Variants in SLC24A3 observed in about 807,000 individuals in gnomAD.
SLC24A3 encodes the protein sodium/potassium/calcium exchanger 3.
Under a neutral mutation model 75.8 loss-of-function variants are expected in SLC24A3, and 28 were observed. The observed-to-expected ratio is 0.37, with a 90% CI of 0.27 to 0.51. The LOEUF (loss-of-function observed/expected upper bound fraction) is 0.51. SLC24A3 is among the 20% of genes least tolerant of loss of function. SLC24A3 has a pLI of 0.94. For missense variants in SLC24A3, 663 were observed against 847.8 expected (o/e 0.78, Z 2.71); for synonymous variants, 372 against 334.1 (o/e 1.11, Z -1.24).
intron 12 of SLC24A3, among the ~76,000 whole-genome samples, chr20:19,691,582 A>C (rs2032745576): frequency 1.3e-5 from 2 of 152,118 alleles, no homozygotes; most frequent in Non-Finnish European, 2.9e-5. Context: ...TAGGCATTGG[A>C]GCAGTAGTCC....
intron 2 of SLC24A3, among the ~76,000 whole-genome samples, chr20:19,374,409 C>T (rs538066433): frequency 6.6e-5 from 10 of 152,258 alleles, no homozygotes; most frequent in East Asian, 3.9e-4. Context: ...GCAGCCTGCC[C>T]GCTAAGTGCT....
intron 3 of SLC24A3, among the ~76,000 whole-genome samples, chr20:19,573,684 T>A (rs552721337): frequency 2.6e-5 from 4 of 152,342 alleles, no homozygotes; most frequent in Admixed American, 2.6e-4. Context: ...CTCATAGTCA[T>A]AAATGGCTGC....
At chr20:19,306,717 G>C (rs1298983547) in intron 2 of SLC24A3, among the ~76,000 whole-genome samples, 1 of 152,084 alleles carries the variant, frequency 6.6e-6, no homozygotes. Flanking sequence ...AAAGTAGGGA[G>C]GGGGTGAGGG....
At position 19,685,496 on chromosome 20, in the gene SLC24A3, C is replaced by G. The variant is rs1050330952; in HGVS notation, c.1324+135C>G. On this transcript the variant is annotated intron_variant, in intron 12 of 16. Coordinates refer to ENST00000328041, the MANE Select transcript of SLC24A3 (RefSeq NM_020689.4). ...GAACATGAGACTATGTATATCAAGT[C>G]TCCTTTGGGCAGGACTTTGTTGTAG... The G allele has an allele frequency of 1.4e-5, 19 of 1,391,742 alleles. No homozygotes were observed. In the African/African-American group the frequency reaches 2.7e-4, roughly 20 times the overall value. The allele number at this position is 1,391,742 out of a possible 1,614,324, so 86.2% of individuals were successfully genotyped here. A position where few individuals can be genotyped will look rare whatever the true frequency, so the allele number is the denominator to read the frequency against.
At chr20:19,523,568 T>C (rs1260538005) in intron 3 of SLC24A3, among the ~76,000 whole-genome samples, 1 of 152,226 alleles carries the variant, frequency 6.6e-6, no homozygotes, top group East Asian at 1.9e-4. Context: ...ACAGGCCCCA[T>C]GGCTTGCTGG....
At chr20:19,220,322 A>G (rs1172043527) in intron 1 of SLC24A3, among the ~76,000 whole-genome samples, 2 of 152,360 alleles carry the variant, frequency 1.3e-5, no homozygotes, top group South Asian at 4.1e-4. Context: ...TACATTTGGA[A>G]TATTTGCAAC....
At chr20:19,402,450 G>A (rs1986568262) in intron 2 of SLC24A3, among the ~76,000 whole-genome samples, 1 of 152,142 alleles carries the variant, frequency 6.6e-6, no homozygotes, top group Non-Finnish European at 1.5e-5. Context: ...AACCAACCAA[G>A]GCCTCACTGC....
At chr20:19,275,640 A>C (rs1983461704) in intron 1 of SLC24A3, among the ~76,000 whole-genome samples, 1 of 151,884 alleles carries the variant, frequency 6.6e-6, no homozygotes, top group Non-Finnish European at 1.5e-5. Flanking sequence ...AGTTGTGGGG[A>C]GGAGGGCGGT....
intron 2 of SLC24A3, among the ~76,000 whole-genome samples, chr20:19,404,502 C>G (rs1046756269): frequency 1.3e-5 from 2 of 152,208 alleles, no homozygotes; most frequent in South Asian, 4.1e-4. Flanking sequence ...AAGAAATCCC[C>G]TGGAGCCTAA....
At chr20:19,680,019 GTGTA>G (rs1423501420) in intron 9 of SLC24A3, among the ~76,000 whole-genome samples, 1 of 150,318 alleles carries the variant, frequency 6.7e-6, no homozygotes, top group Non-Finnish European at 1.5e-5. Context: ...TTGTCTGTGT[GTGTA>G]TGTGTGTGCA....
chr20:19,541,270 G>T (rs561532202), intron 3 of SLC24A3, among the ~76,000 whole-genome samples: 2 of 152,174 alleles, frequency 1.3e-5, no homozygotes, highest in Non-Finnish European at 2.9e-5. Flanking sequence ...CGGCTGCAGC[G>T]GGGAGACGTC....
chr20:19,213,297 ACTCTCCATCAG>A (rs1373210320), intron 1 of SLC24A3: 2 of 181,018 alleles, frequency 1.1e-5, no homozygotes, highest in Non-Finnish European at 2.3e-5. Flanking sequence ...GGGGAGTCTT[ACTCTCCATCAG>A]CCCCCAAGGC....
rs373772505 is a variant in SLC24A3, at chr20:19,595,274, G to A, written c.612+9730G>A. 1.1e-4 allele frequency among the ~76,000 whole-genome samples: 17 copies of A among 152,286 alleles called. No homozygotes were observed. The East Asian group carries it at 1.4e-3, about 12-fold the overall frequency. ...TGTGAGCTCCCCAAGAATGCAGCCC[G>A]TCTCTGCCTGTTCCTTACTGCATCT... On this transcript the variant is annotated intron_variant, in intron 6 of 16. Coordinates refer to ENST00000328041, the MANE Select transcript of SLC24A3 (RefSeq NM_020689.4).
intron 2 of SLC24A3, among the ~76,000 whole-genome samples, chr20:19,479,733 T>C (rs891332107): frequency 6.6e-6 from 1 of 152,226 alleles, no homozygotes; most frequent in Non-Finnish European, 1.5e-5. Flanking sequence ...CCATCAGTCA[T>C]TGGCTGGAGC....
At chr20:19,584,351 G>A (rs2031263334) in intron 4 of SLC24A3, among the ~76,000 whole-genome samples, 1 of 152,028 alleles carries the variant, frequency 6.6e-6, no homozygotes, top group South Asian at 2.1e-4. Context: ...GTTTCAGGAG[G>A]GTGATCCCCA....
intron 2 of SLC24A3, among the ~76,000 whole-genome samples, chr20:19,431,197 C>T (rs1360602032): frequency 6.6e-6 from 1 of 151,980 alleles, no homozygotes; most frequent in Non-Finnish European, 1.5e-5. Flanking sequence ...CCAAGGTCAT[C>T]CCTAGGGGAA....
Position 19,536,149 on chromosome 20 carries a change from C to T in SLC24A3, c.348+20585C>T, listed in dbSNP as rs538133719. Among the ~76,000 whole-genome samples the T allele has an allele frequency of 1.4e-4, 22 of 152,274 alleles. No homozygotes were observed. The South Asian group carries it at 4.4e-3, about 30-fold the overall frequency. ...TGATGGAGATTATGTGGGGCTAAAA[C>T]CACCCCTCAATCCACTCCTCAGTAC... On this transcript the variant is annotated intron_variant, in intron 3 of 16. Coordinates refer to ENST00000328041, the MANE Select transcript of SLC24A3 (RefSeq NM_020689.4).
At chr20:19,694,146 C>G (rs1052849353) in intron 13 of SLC24A3, 1 of 152,148 alleles carries the variant, frequency 6.6e-6, no homozygotes, top group African/African-American at 2.4e-5. Flanking sequence ...TGATTGACAT[C>G]GATTCAGTGG....
At chr20:19,521,682 T>A (rs1261422118) in intron 3 of SLC24A3, among the ~76,000 whole-genome samples, 1 of 152,214 alleles carries the variant, frequency 6.6e-6, no homozygotes, top group African/African-American at 2.4e-5. Flanking sequence ...GGCCTGAGGT[T>A]CTTCCAGTTA....
Sources: allele counts gnomAD v4.1 joint callset (sites outside exome capture counted in the v4.1 genomes callset), GRCh38; gene constraint gnomAD v4.1.1; transcripts MANE v1.5; gene names NCBI Gene and HGNC (gene_info 2026-07-23, HGNC 2026-07-21).